Variants in JARID2 observed in about 807,000 individuals in gnomAD.
JARID2 encodes protein Jumonji.
JARID2 carries 21 observed loss-of-function variants against 125.6 expected under a neutral mutation model. The observed-to-expected ratio is 0.17, with a 90% confidence interval of 0.12 to 0.24. The LOEUF (loss-of-function observed/expected upper bound fraction) is 0.24. Ranked by LOEUF, JARID2 falls within the 10% of genes least tolerant of loss-of-function variation. The pLI is 1.00. For synonymous variants in JARID2, 736 were observed against 661.6 expected (o/e 1.11, Z -1.73); for missense variants, 1,303 against 1,639.6 (o/e 0.79, Z 3.55).
At chr6:15,355,828 C>G (rs1040480205) in intron 1 of JARID2, among the ~76,000 whole-genome samples, 1 of 152,218 alleles carries the variant, frequency 6.6e-6, no homozygotes, top group Non-Finnish European at 1.5e-5. Context: ...CCAGGCTGGT[C>G]TCAAACTCCT....
At chr6:15,334,115 A>T (rs1440033198) in intron 1 of JARID2, among the ~76,000 whole-genome samples, 1 of 152,204 alleles carries the variant, frequency 6.6e-6, no homozygotes, top group East Asian at 1.9e-4. Context: ...TTGTGCAAAC[A>T]GGAATTGATC....
intron 2 of JARID2, among the ~76,000 whole-genome samples, chr6:15,405,361 G>A (rs1052533255): frequency 1.3e-5 from 2 of 152,150 alleles, no homozygotes; most frequent in Non-Finnish European, 2.9e-5. Context: ...TAGAGTTCTC[G>A]GCTGCACAAA....
chr6:15,402,306 C>T (rs1363908902), intron 2 of JARID2, among the ~76,000 whole-genome samples: 2 of 152,070 alleles, frequency 1.3e-5, no homozygotes, highest in African/African-American at 4.8e-5. Context: ...AAATTGGATA[C>T]CTGGTTTCTT....
chr6:15,462,254 T>C (rs1185616562), intron 4 of JARID2, among the ~76,000 whole-genome samples: 1 of 152,210 alleles, frequency 6.6e-6, no homozygotes, highest in Non-Finnish European at 1.5e-5. Flanking sequence ...TGAATGCGAA[T>C]TGGGAAATTC....
At chr6:15,519,393 G>A (rs946134304) in intron 17 of JARID2, among the ~76,000 whole-genome samples, 5 of 152,152 alleles carry the variant, frequency 3.3e-5, no homozygotes, top group African/African-American at 9.7e-5. Context: ...GGGCTTTTCA[G>A]AGGACTAGAG....
chr6:15,251,403 T>G (rs1372015943), intron 1 of JARID2, among the ~76,000 whole-genome samples: 2 of 152,220 alleles, frequency 1.3e-5, no homozygotes, highest in African/African-American at 4.8e-5. Context: ...TCTGGCTGCA[T>G]TGCTCTGATC....
chr6:15,345,156 A>T (rs1371394237), intron 1 of JARID2, among the ~76,000 whole-genome samples: 1 of 152,060 alleles, frequency 6.6e-6, no homozygotes, highest in Non-Finnish European at 1.5e-5. Flanking sequence ...AGCTTTTGAG[A>T]CTGATTGTAT....
Position 15,470,219 on chromosome 6 carries a change from G to A in JARID2, c.670+1501G>A, listed in dbSNP as rs79195325. Among the ~76,000 whole-genome samples the A allele has an allele frequency of 2.9e-4, 44 of 151,238 alleles. 1 individual carries two copies. In the East Asian group the frequency reaches 5.7e-3, roughly 19 times the overall value. On this transcript the variant is annotated intron_variant, in intron 5 of 17. Transcript: ENST00000341776. Reference sequence around the variant, plus strand: ...AGGAAAGAAAGAGGAGGGAAGCAAAGAGAATGGGAGTCAGGAGATATGGCT... The same window carrying A: ...AGGAAAGAAAGAGGAGGGAAGCAAAAAGAATGGGAGTCAGGAGATATGGCT...
chr6:15,331,068 A>G (rs1211931614), intron 1 of JARID2, among the ~76,000 whole-genome samples: 1 of 152,174 alleles, frequency 6.6e-6, no homozygotes, highest in African/African-American at 2.4e-5. Flanking sequence ...GCTGGATGTG[A>G]TAGCTCACAC....
rs77532624 is a variant in JARID2 at position 15,281,295 on chromosome 6, G to A, written c.45+34711G>A. Among the ~76,000 whole-genome samples, 59 of 152,358 alleles carry A rather than the reference G, an allele frequency of 3.9e-4. 1 individual carries two copies. In the East Asian group the frequency reaches 0.01, roughly 27 times the overall value. On this transcript the variant is annotated intron_variant, in intron 1 of 17. Coordinates refer to ENST00000341776, the MANE Select transcript of JARID2 (RefSeq NM_004973.4). ...TTTGGATTTGACCCACACTGGCTGT[G>A]TCTCACTCTTTACTGCAGTTTAATT...
chr6:15,389,190 T>G (rs1247222630), intron 2 of JARID2, among the ~76,000 whole-genome samples: 1 of 152,210 alleles, frequency 6.6e-6, no homozygotes, highest in Non-Finnish European at 1.5e-5. Context: ...TTGTTTTTAT[T>G]TTTTCTGTTG....
chr6:15,516,649 C>CTGTTG (rs1771576209), intron 16 of JARID2, among the ~76,000 whole-genome samples: 2 of 152,206 alleles, frequency 1.3e-5, no homozygotes, highest in Admixed American at 1.3e-4. Context: ...GTGAGCCACT[C>CTGTTG]ATGGACCACC....
chr6:15,360,616 T>C (rs1397942885), intron 1 of JARID2, among the ~76,000 whole-genome samples: 1 of 152,192 alleles, frequency 6.6e-6, no homozygotes, highest in South Asian at 2.1e-4. Context: ...CTTGAGTAGC[T>C]TGGACCACAG....
At chr6:15,454,643 A>ATTT (rs34961974) in intron 4 of JARID2, among the ~76,000 whole-genome samples, 10 of 141,756 alleles carry the variant, frequency 7.1e-5, no homozygotes, top group South Asian at 2.3e-4. Context: ...ACACCCAGCA[A>ATTT]TTTTTTTTTT....
chr6:15,405,083 A>G (rs890150387), intron 2 of JARID2, among the ~76,000 whole-genome samples: 5 of 152,174 alleles, frequency 3.3e-5, no homozygotes, highest in African/African-American at 1.2e-4. Context: ...CCTTCAGCTA[A>G]AGGAATCTTT....
intron 1 of JARID2, among the ~76,000 whole-genome samples, chr6:15,288,410 C>T (rs1761082550): frequency 6.6e-6 from 1 of 152,168 alleles, no homozygotes; most frequent in Non-Finnish European, 1.5e-5. Flanking sequence ...AGGGATCCAC[C>T]CCTATGACCC....
At chr6:15,498,368 T>G (rs927653637) in intron 7 of JARID2, among the ~76,000 whole-genome samples, 1 of 152,104 alleles carries the variant, frequency 6.6e-6, no homozygotes, top group African/African-American at 2.4e-5. Context: ...CTCCTCAGGG[T>G]GGGTTGCAGG....
chr6:15,420,355 A>G (rs922426594), intron 3 of JARID2, among the ~76,000 whole-genome samples: 5 of 151,712 alleles, frequency 3.3e-5, no homozygotes, highest in Non-Finnish European at 7.4e-5. Flanking sequence ...GTGAGCCAAG[A>G]TCACACCACT....
chr6:15,501,482 C>A lies in JARID2; in HGVS notation c.2448+73C>A. 1.4e-6 allele frequency: 2 copies of A among 1,408,458 alleles called. 1 individual carries two copies. Among genetic ancestry groups the A allele is most frequent in the South Asian group, 2.8e-5 (2 of 70,532 alleles). The allele number at this position is 1,408,458 out of a possible 1,614,324, so 87.2% of individuals were successfully genotyped here. A position where few individuals can be genotyped will look rare whatever the true frequency, so the allele number is the denominator to read the frequency against. On this transcript the variant is annotated intron_variant, in intron 8 of 17. Transcript: ENST00000341776. ...GGAATGAGAGAGGAAGTGGAGCGTGCTATGCACTGGACGGTGTGTTCTCTG... is the reference window on the plus strand; with the variant it reads ...GGAATGAGAGAGGAAGTGGAGCGTGATATGCACTGGACGGTGTGTTCTCTG...
Sources: allele counts gnomAD v4.1 joint callset (sites outside exome capture counted in the v4.1 genomes callset), GRCh38; gene constraint gnomAD v4.1.1; transcripts MANE v1.5; gene names NCBI Gene and HGNC (gene_info 2026-07-23, HGNC 2026-07-21).